The following TMCO4 variants were observed in gnomAD, a reference collection of about 807,000 sequenced individuals.
TMCO4 encodes transmembrane and coiled-coil domain-containing protein 4.
A neutral mutation model predicts 64.7 loss-of-function variants in TMCO4; 58 were observed. The ratio of observed to expected loss-of-function variants is 0.90; its 90% CI spans 0.73 to 1.12. The LOEUF (loss-of-function observed/expected upper bound fraction) is 1.12. Among genes scored for constraint, TMCO4 ranks in the 50% most tolerant of loss-of-function variants. The pLI is 0.00. For synonymous variants in TMCO4, 325 were observed against 346.1 expected (o/e 0.94, Z 0.68); for missense variants, 780 against 825.9 (o/e 0.94, Z 0.68).
chr1:19,719,459 C>A (rs978422646), intron 13 of TMCO4, among the ~76,000 whole-genome samples: 1 of 152,084 alleles, frequency 6.6e-6, no homozygotes, highest in African/African-American at 2.4e-5. Flanking sequence ...AACATAATAA[C>A]CATAACAGTA....
chr1:19,757,759 A>G (rs1006245053), intron 6 of TMCO4, among the ~76,000 whole-genome samples: 1 of 152,104 alleles, frequency 6.6e-6, no homozygotes, highest in African/African-American at 2.4e-5. Flanking sequence ...CTGTTTTTCC[A>G]ACTGCTGTAC....
At chr1:19,748,425 G>C (rs1319335628) in intron 7 of TMCO4, among the ~76,000 whole-genome samples, 1 of 152,146 alleles carries the variant, frequency 6.6e-6, no homozygotes, top group Non-Finnish European at 1.5e-5. Flanking sequence ...CCATCTCCTT[G>C]AGCAGAAAAA....
intron 13 of TMCO4, among the ~76,000 whole-genome samples, chr1:19,719,149 G>A (rs1264983110): frequency 6.6e-6 from 1 of 152,148 alleles, no homozygotes; most frequent in Non-Finnish European, 1.5e-5. Context: ...CCCAGCCATG[G>A]CATTCTCCTC....
At position 19,683,074 on chromosome 1, in the gene TMCO4, C is replaced by T. The variant is rs538372736; in HGVS notation, c.1871G>A (p.Cys624Tyr). ...PNPLGCPDCACKTQGPSTGLD is the reference protein window; with the variant it reads ...PNPLGCPDCAYKTQGPSTGLD Reference sequence around the variant, plus strand: ...CCCCGTGCTGGGGCCCTGGGTCTTGCAGGCACAATCGGGGCAGCCCAGTGG... The same window carrying T: ...CCCCGTGCTGGGGCCCTGGGTCTTGTAGGCACAATCGGGGCAGCCCAGTGG... Residue 624 changes from cysteine to tyrosine, a missense_variant, in exon 16 of 16, where the codon TGC becomes TAC. Coordinates refer to ENST00000294543, the MANE Select transcript of TMCO4 (RefSeq NM_181719.7). 9 of 1,601,956 alleles carry T rather than the reference C, an allele frequency of 5.6e-6. No individual in the cohort carries two copies. The East Asian group carries it at 1.6e-4, about 28-fold the overall frequency.
At position 19,743,841 on chromosome 1, in the gene TMCO4, G is replaced by C. The variant is rs1432514061; in HGVS notation, c.877+1691C>G. On this transcript the variant is annotated intron_variant, in intron 10 of 15. Coordinates refer to ENST00000294543, the MANE Select transcript of TMCO4 (RefSeq NM_181719.7). This position sits in a 1 kb window ranked among gnomAD's most constrained non-coding sequence, Gnocchi z 4.1. Reference sequence around the variant, plus strand: ...CCAGGGTTCCTCTTCCAACAGATCAGGGTCAGAACAGCCCCACCTTGGAGG... The same window carrying C: ...CCAGGGTTCCTCTTCCAACAGATCACGGTCAGAACAGCCCCACCTTGGAGG... Among the ~76,000 whole-genome samples, 1 of 152,196 alleles carries C rather than the reference G, an allele frequency of 6.6e-6. No individual in the cohort carries two copies. The highest frequency in any genetic ancestry group is 2.4e-5 in the African/African-American group (1 of 41,440).
At chr1:19,722,370 A>C (rs2095388850) in intron 13 of TMCO4, among the ~76,000 whole-genome samples, 1 of 152,244 alleles carries the variant, frequency 6.6e-6, no homozygotes, top group Non-Finnish European at 1.5e-5. Context: ...GCTGCAAGCC[A>C]CCTACTGTAC....
chr1:19,778,416 G>C (rs574164443), intron 4 of TMCO4, among the ~76,000 whole-genome samples: 2 of 152,102 alleles, frequency 1.3e-5, no homozygotes, highest in African/African-American at 4.8e-5. Flanking sequence ...TGGGACCACA[G>C]GTGTGCACCA....
chr1:19,709,344 TC>T (rs2095319157), intron 13 of TMCO4, among the ~76,000 whole-genome samples: 1 of 102,946 alleles, frequency 9.7e-6, no homozygotes, highest in Non-Finnish European at 2.0e-5. Flanking sequence ...CCTTCTCCCC[TC>T]CCCCCACCCC....
intron 6 of TMCO4, among the ~76,000 whole-genome samples, chr1:19,757,615 T>TCACC (rs879439983): frequency 6.6e-6 from 1 of 152,108 alleles, no homozygotes; most frequent in Non-Finnish European, 1.5e-5. Context: ...GGCTCAACCA[T>TCACC]CACCTCCTCT....
intron 3 of TMCO4, among the ~76,000 whole-genome samples, chr1:19,785,501 T>C (rs547078061): frequency 2.6e-5 from 4 of 152,340 alleles, no homozygotes; most frequent in African/African-American, 9.6e-5. Context: ...CAGGAAATAC[T>C]TGCTGGATGA....
intron 7 of TMCO4, among the ~76,000 whole-genome samples, chr1:19,751,482 C>T (rs541787519): frequency 1.1e-4 from 17 of 151,986 alleles, no homozygotes; most frequent in African/African-American, 3.6e-4. Context: ...CTGTGGTCCA[C>T]GCTACTTGGA....
rs147635887 is a variant in TMCO4 at position 19,740,806 on chromosome 1, T to C, written c.1013A>G (p.Gln338Arg). Residue 338 changes from glutamine to arginine, a missense_variant, in exon 11 of 16, where the codon CAG (glutamine) becomes CGG (arginine). Transcript: ENST00000294543. ...CAACACTGTGTACTTTAGGGCCTCCTGGGCCACCATGTTGGCGAGACCACT... is the reference window on the plus strand; with the variant it reads ...CAACACTGTGTACTTTAGGGCCTCCCGGGCCACCATGTTGGCGAGACCACT... Reference protein sequence around the residue: ...ILSGLANMVAQEALKYTVLSG... With the variant: ...ILSGLANMVAREALKYTVLSG... 7.9e-4 allele frequency: 1,267 copies of C among 1,613,666 alleles called. 3 individuals carry two copies. The highest frequency in any genetic ancestry group is 9.8e-4 in the Admixed American group (59 of 59,970).
rs1015595331 is a variant in TMCO4, at chr1:19,730,392, T to C, written c.1264+6980A>G. ...CACACCTCTGCAATATTGGGGATGT[T>C]TGTCACTGCGGCATAACCTAGGCTG... On this transcript the variant is annotated intron_variant, in intron 13 of 15. Coordinates refer to ENST00000294543, the MANE Select transcript of TMCO4 (RefSeq NM_181719.7). Among the ~76,000 whole-genome samples the C allele has an allele frequency of 5.9e-5, 9 of 152,230 alleles. No homozygotes were observed. The East Asian group carries it at 1.5e-3, about 26-fold the overall frequency.
At chr1:19,694,675 C>T in intron 14 of TMCO4, 124 bp from the exon 15 acceptor site, 1 of 819,224 alleles carries the variant, frequency 1.2e-6, no homozygotes, top group Non-Finnish European at 2.0e-6. Flanking sequence ...AAAACAGGGC[C>T]CCTGATTGCA....
chr1:19,797,931 A>C (rs1323846202), intron 2 of TMCO4: 1 of 132,236 alleles, frequency 7.6e-6, no homozygotes, highest in African/African-American at 3.8e-5. Flanking sequence ...AGGGAGGGAG[A>C]GAGAGAGAAA....
At chr1:19,717,487 A>C (rs2095362194) in intron 13 of TMCO4, among the ~76,000 whole-genome samples, 1 of 152,234 alleles carries the variant, frequency 6.6e-6, no homozygotes, top group African/African-American at 2.4e-5. Context: ...TCAGGGCCTG[A>C]GTCCAGGTCT....
At chr1:19,789,078 A>C (rs1272558826) in intron 2 of TMCO4, among the ~76,000 whole-genome samples, 15 of 144,388 alleles carry the variant, frequency 1.0e-4, no homozygotes, top group East Asian at 6.2e-4. Context: ...CTGTCTCACA[A>C]AAAAAAAAAA....
At chr1:19,786,850 G>A (rs1002578840) in intron 3 of TMCO4, among the ~76,000 whole-genome samples, 176 bp downstream of exon 3, 1 of 152,148 alleles carries the variant, frequency 6.6e-6, no homozygotes, top group Middle Eastern at 3.2e-3. Context: ...CGGGTTAAAT[G>A]AATCTAATAA....
At chr1:19,779,536 G>C (rs1261713259) in intron 4 of TMCO4, among the ~76,000 whole-genome samples, 2 of 152,150 alleles carry the variant, frequency 1.3e-5, no homozygotes, top group East Asian at 1.9e-4. Context: ...ACACACATGG[G>C]AGGTACTGTC....
Sources: gnomAD v4.1 joint callset for allele counts (sites outside exome capture counted in the v4.1 genomes callset) on GRCh38, gnomAD v4.1.1 for gene constraint, Gnocchi (gnomAD v3.1) non-coding constraint, MANE v1.5 for transcripts, NCBI Gene and HGNC (gene_info 2026-07-23, HGNC 2026-07-21) for gene names.